Variants in RPS17 observed in about 807,000 individuals in gnomAD.
RPS17 encodes ribosomal protein S17, also known as small ribosomal subunit protein eS17.
For synonymous variants in RPS17, 75 were observed against 65.6 expected, an observed-to-expected ratio of 1.14 and a Z score of -0.70; for missense variants, 68 against 182.3, an observed-to-expected ratio of 0.37 and a Z score of 3.61.
At chr15:82,537,409 C>A (rs2034259974) in intron 4 of RPS17, 1 of 266,766 alleles carries the variant, frequency 3.7e-6, no homozygotes, top group African/African-American at 2.2e-5. Context: ...CCAGGACCAG[C>A]CCTGGGTAAG....
chr15:82,540,254 C>A lies in RPS17; in HGVS notation c.4-122G>T, dbSNP rs905673697. Reference sequence around the variant, plus strand: ...CTGCGCTGAGCCGGAGAGGGCCCGGCTAAACAGTGCCGGGCGCCGGGCTTA... The same window carrying A: ...CTGCGCTGAGCCGGAGAGGGCCCGGATAAACAGTGCCGGGCGCCGGGCTTA... On this transcript the variant is annotated intron_variant, in intron 1 of 4. Transcript: ENST00000647841. The A allele has an allele frequency of 3.7e-6, 6 of 1,606,150 alleles. No homozygotes were observed. In the African/African-American group the frequency reaches 6.7e-5, roughly 18 times the overall value.
intron 4 of RPS17, chr15:82,537,489 G>T (rs2034261365): frequency 6.7e-6 from 2 of 296,648 alleles, no homozygotes; most frequent in Admixed American, 1.0e-4. Context: ...AAGGGAGGGA[G>T]GCAAGAGCAG....
In RPS17 at chr15:82,540,430, T is replaced by A. The variant is rs1052897226; in HGVS notation, c.-2A>T. On this transcript the variant is annotated 5_prime_UTR_variant, in exon 1 of 5. Coordinates refer to ENST00000647841, the MANE Select transcript of RPS17 (RefSeq NM_001021.6). ...GCCTCGAGCCAAAACACCTACCATG[T>A]TGGCGGGTCCTTGGTAAAAGAGGAA... 26 of 1,595,652 alleles carry A rather than the reference T, an allele frequency of 1.6e-5. No individual in the cohort carries two copies. The highest frequency in any genetic ancestry group is 2.2e-5 in the Non-Finnish European group (26 of 1,172,402).
chr15:82,537,326 G>GT (rs1219682128), intron 4 of RPS17: 1 of 291,706 alleles, frequency 3.4e-6, no homozygotes, highest in Non-Finnish European at 6.6e-6. Flanking sequence ...AACGAAAAAT[G>GT]TGTCTGGACA....
chr15:82,539,871 G>A, intron 2 of RPS17, 110 bp downstream of exon 2: 1 of 1,538,660 alleles, frequency 6.5e-7, no homozygotes, highest in South Asian at 1.1e-5. Flanking sequence ...GGACACCAGG[G>A]AGTCTCAGGC....
intron 1 of RPS17, 130 bp downstream of exon 1, chr15:82,540,296 C>A (rs1457380544): frequency 6.3e-7 from 1 of 1,586,598 alleles, no homozygotes; most frequent in African/African-American, 1.3e-5. Context: ...AAGCCGCCGG[C>A]CCGTTGCGCT....
At position 82,538,375 on chromosome 15, in the gene RPS17, C is replaced by T; in HGVS notation, c.262-4G>A. The T allele has an allele frequency of 6.2e-7, 1 of 1,612,188 alleles. No homozygotes were observed. Among genetic ancestry groups the T allele is most frequent in the Non-Finnish European group, 8.5e-7 (1 of 1,179,766 alleles). On this transcript the variant is annotated splice_region_variant and splice_polypyrimidine_tract_variant and intron_variant, in intron 3 of 4. Coordinates refer to ENST00000647841, the MANE Select transcript of RPS17 (RefSeq NM_001021.6). ...TCTCCTGATCCAAGGCTGAGACCTACAAGGAAACGAGGTAGGGTCAAAATA... is the reference window on the plus strand; with the variant it reads ...TCTCCTGATCCAAGGCTGAGACCTATAAGGAAACGAGGTAGGGTCAAAATA...
intron 1 of RPS17, 135 bp downstream of exon 1, chr15:82,540,291 G>A (rs969885266): frequency 6.3e-7 from 1 of 1,589,374 alleles, no homozygotes. Context: ...TGCGGAAGCC[G>A]CCGGCCCGTT....
chr15:82,538,117 T>G (rs2150887333), intron 4 of RPS17, 189 bp downstream of exon 4: 1 of 659,872 alleles, frequency 1.5e-6, no homozygotes, highest in Non-Finnish European at 2.9e-6. Flanking sequence ...AATCATGATC[T>G]TGTGGCGAAC....
chr15:82,538,979 G>A lies in RPS17; in HGVS notation c.162C>T (p.Val54=), dbSNP rs1262889416. 1 of 1,613,780 alleles carries A rather than the reference G, an allele frequency of 6.2e-7. No individual in the cohort carries two copies. Among genetic ancestry groups the A allele is most frequent in the Non-Finnish European group, 8.5e-7 (1 of 1,179,814 alleles). The stretch of plus-strand genomic sequence containing the variant: ...TCTGAATTCGCTTCATCAGATGCGT[G>A]ACATAACTACAAAGCACACACAGCC... The part of the protein sequence containing the change: ...KKLRNKIAGY[V]THLMKRIQRG... Residue 54 remains valine (V), a synonymous_variant, in exon 3 of 5, where the codon GTC becomes GTT. Transcript: ENST00000647841.
In RPS17 at chr15:82,538,294, GCAAA is replaced by G; in HGVS notation, c.327+8_327+11del. 2 of 1,613,506 alleles carry G rather than the reference GCAAA, an allele frequency of 1.2e-6. No individual in the cohort carries two copies. The highest frequency in any genetic ancestry group is 1.7e-6 in the Non-Finnish European group (2 of 1,179,622). On this transcript the variant is annotated splice_region_variant and intron_variant, in intron 4 of 4. Coordinates refer to ENST00000647841, the MANE Select transcript of RPS17 (RefSeq NM_001021.6). ...AGGAAAATACCACTTTAGGAATCCA[GCAAA>G]CACTTACCAAAAGCTTCAGCATTTC...
chr15:82,538,097 T>C (rs894803210), intron 4 of RPS17: 37 of 630,068 alleles, frequency 5.9e-5, no homozygotes, highest in Admixed American at 1.7e-4. Context: ...TGGAAGCCAC[T>C]AGATTTGGGA....
chr15:82,537,685 G>A (rs1206582858), intron 4 of RPS17: 11 of 368,912 alleles, frequency 3.0e-5, no homozygotes, highest in Non-Finnish European at 5.3e-5. Flanking sequence ...CTGTACTGGT[G>A]ATGTTTTTCT....
intron 2 of RPS17, 84 bp downstream of exon 2, chr15:82,539,897 G>A: frequency 6.2e-7 from 1 of 1,605,728 alleles, no homozygotes; most frequent in South Asian, 1.1e-5. Context: ...AAACCACCAA[G>A]GCACCGTCTC....
intron 3 of RPS17, 159 bp downstream of exon 3, chr15:82,538,721 A>G: frequency 1.3e-6 from 1 of 775,088 alleles, no homozygotes. Flanking sequence ...AGCAGAATGG[A>G]GGCTAAGAAA....
intron 2 of RPS17, chr15:82,539,623 AG>A: frequency 2.4e-6 from 1 of 415,772 alleles, no homozygotes; most frequent in Non-Finnish European, 4.6e-6. Context: ...CGGGAGACGG[AG>A]GTTGCAGTGA....
intron 2 of RPS17, chr15:82,539,560 G>C: frequency 2.3e-6 from 1 of 434,532 alleles, no homozygotes; most frequent in Non-Finnish European, 4.6e-6. Flanking sequence ...GTGGTAGCAC[G>C]TGCCTCTAAT....
chr15:82,538,201 G>T, intron 4 of RPS17, 105 bp downstream of exon 4: 1 of 1,261,410 alleles, frequency 7.9e-7, no homozygotes, highest in Non-Finnish European at 1.2e-6. Context: ...GTTTAGATGG[G>T]ATTCCCAACT....
intron 2 of RPS17, chr15:82,539,382 A>C (rs2034301753): frequency 4.3e-6 from 2 of 465,068 alleles, no homozygotes; most frequent in Non-Finnish European, 8.6e-6. Context: ...GCAACTGTGA[A>C]GTAAGCATTA....
Sources: allele counts gnomAD v4.1 joint callset, GRCh38; gene constraint gnomAD v4.1.1; transcripts MANE v1.5; gene names NCBI Gene and HGNC (gene_info 2026-07-23, HGNC 2026-07-21).